The following DOCK11 variants were observed in gnomAD, a reference collection of about 807,000 sequenced individuals.
DOCK11 encodes the protein dedicator of cytokinesis 11.
DOCK11 carries 70 observed loss-of-function variants against 169.1 expected under a neutral mutation model. The observed-to-expected ratio is 0.41, with a 90% CI of 0.34 to 0.51. The LOEUF is 0.51. Among genes scored for constraint, DOCK11 ranks in the 20% least tolerant of loss-of-function variants. The pLI is 0.10. For missense variants in DOCK11, 1,166 were observed against 1,538.8 expected (o/e 0.76, Z 4.05); for synonymous variants, 529 against 541.3 (o/e 0.98, Z 0.32).
intron 12 of DOCK11, among the ~76,000 whole-genome samples, chrX:118,575,535 A>ATC (rs767556440): frequency 6.2e-5 from 7 of 112,171 alleles, no homozygotes; most frequent in Non-Finnish European, 1.1e-4. Context: ...ATAGATGATC[A>ATC]AACATTGGGG....
At chrX:118,511,424 C>T (rs776634005) in intron 1 of DOCK11, among the ~76,000 whole-genome samples, 2 of 112,097 alleles carry the variant, frequency 1.8e-5, no homozygotes, top group South Asian at 3.6e-4. Context: ...TGCTTATCTA[C>T]GATGAATATC....
rs889071485 is a variant in DOCK11, at chrX:118,584,817, T to G, written c.1678T>G (p.Ser560Ala). 2.2e-5 allele frequency: 26 copies of G among 1,200,773 alleles called. No individual in the cohort carries two copies. Among genetic ancestry groups the G allele is most frequent in the Non-Finnish European group, 2.9e-5 (26 of 891,254 alleles). ...GTATAAACAAGACAGTAGCAAGCTT[T>G]CAAGTGAAGACATTCTCAAGTTGCT... is the stretch of plus-strand genomic sequence containing the variant. ...PLYKQDSSKLSSEDILKLLSE... is the reference protein window; with the variant it reads ...PLYKQDSSKLASEDILKLLSE... Residue 560 changes from serine to alanine, a missense_variant, in exon 15 of 53, where the codon TCA (serine) becomes GCA (alanine). By Grantham distance (99) the Ser-to-Ala change is moderately conservative. Transcript: ENST00000276202.
At chrX:118,531,388 C>T (rs2011550807) in intron 1 of DOCK11, among the ~76,000 whole-genome samples, 1 of 70,935 alleles carries the variant, frequency 1.4e-5, no homozygotes, top group African/African-American at 5.8e-5. Context: ...CCAGGAGGTT[C>T]GGGGCTGCAG....
At chrX:118,584,153 C>G (rs984991230) in intron 14 of DOCK11, among the ~76,000 whole-genome samples, 4 of 112,063 alleles carry the variant, frequency 3.6e-5, no homozygotes, top group Non-Finnish European at 7.5e-5. Flanking sequence ...CCACCCCAAC[C>G]AGATATGGAA....
chrX:118,678,032 A>C (rs187896743), intron 48 of DOCK11, among the ~76,000 whole-genome samples: 51 of 112,677 alleles, frequency 4.5e-4, no homozygotes, highest in African/African-American at 1.6e-3. Flanking sequence ...ATATTTTAGT[A>C]GTTCCCCACA....
intron 31 of DOCK11, among the ~76,000 whole-genome samples, chrX:118,623,032 A>G (rs1401571507): frequency 8.9e-6 from 1 of 111,858 alleles, no homozygotes; most frequent in African/African-American, 3.3e-5. Flanking sequence ...CCTGGCCAAC[A>G]TAGTAAAACG....
At chrX:118,611,371 A>G (rs1476287978) in intron 28 of DOCK11, among the ~76,000 whole-genome samples, 1 of 112,521 alleles carries the variant, frequency 8.9e-6, no homozygotes, top group African/African-American at 3.2e-5. Context: ...TGCTTGTTGT[A>G]CACAGTGTTT....
intron 40 of DOCK11, among the ~76,000 whole-genome samples, chrX:118,647,975 T>TATAATATATA (rs1335153221): frequency 7.8e-4 from 39 of 49,709 alleles, no homozygotes; most frequent in Admixed American, 2.2e-3. Flanking sequence ...TATAATTATA[T>TATAATATATA]ATAATATATA....
chrX:118,507,281 T>C (rs1286840499), intron 1 of DOCK11, among the ~76,000 whole-genome samples: 3 of 112,481 alleles, frequency 2.7e-5, no homozygotes, highest in Non-Finnish European at 5.6e-5. Context: ...AAGTCAAGTG[T>C]TGCTTCCAAG....
intron 1 of DOCK11, among the ~76,000 whole-genome samples, chrX:118,506,659 G>C (rs2057614472): frequency 1.0e-5 from 1 of 95,727 alleles, no homozygotes; most frequent in African/African-American, 3.5e-5. Context: ...AAGTGAGACT[G>C]TCTCAAAAAA....
At chrX:118,648,477 TATA>T (rs1213149991) in intron 40 of DOCK11, among the ~76,000 whole-genome samples, 1 of 96,851 alleles carries the variant, frequency 1.0e-5, no homozygotes, top group African/African-American at 3.7e-5. Flanking sequence ...TATATTATTA[TATA>T]ATAATATATT....
intron 1 of DOCK11, among the ~76,000 whole-genome samples, chrX:118,531,041 A>T (rs2147330633): frequency 8.9e-6 from 1 of 111,944 alleles, no homozygotes; most frequent in Non-Finnish European, 1.9e-5. Flanking sequence ...TCAAGCATTG[A>T]AAACTAACCA....
chrX:118,519,441 T>C (rs2057709414), intron 1 of DOCK11, among the ~76,000 whole-genome samples: 1 of 111,807 alleles, frequency 8.9e-6, no homozygotes, highest in Non-Finnish European at 1.9e-5. Context: ...TCCCAGCTAC[T>C]CGGGTGGTGG....
rs1046622377 is a variant in DOCK11, at chrX:118,566,235, G to A, written c.871+53G>A. 43 of 1,061,658 alleles carry A rather than the reference G, an allele frequency of 4.1e-5. No homozygotes were observed. The Middle Eastern group carries it at 8.4e-4, about 21-fold the overall frequency. The allele number at this position is 1,061,658 out of a possible 1,213,427, so 87.5% of individuals were successfully genotyped here. A position where few individuals can be genotyped will look rare whatever the true frequency, so the allele number is the denominator to read the frequency against. The stretch of plus-strand genomic sequence containing the variant: ...GAAGTAAAGCCCTTGTCTTTAATCC[G>A]TGGAAATGTCCTCTGTGCAGGGTGA... On this transcript the variant is annotated intron_variant, in intron 8 of 52. Transcript: ENST00000276202.
intron 10 of DOCK11, among the ~76,000 whole-genome samples, chrX:118,571,008 C>T (rs996246453): frequency 3.6e-5 from 4 of 111,710 alleles, no homozygotes; most frequent in African/African-American, 6.5e-5. Flanking sequence ...CTGTGGCAGC[C>T]CAGGTCCATT....
At chrX:118,502,881 G>A (rs1297056518) in intron 1 of DOCK11, among the ~76,000 whole-genome samples, 1 of 110,671 alleles carries the variant, frequency 9.0e-6, no homozygotes, top group African/African-American at 3.3e-5. Flanking sequence ...CCGAGAAGCC[G>A]GGGGCTGTGT....
intron 20 of DOCK11, among the ~76,000 whole-genome samples, chrX:118,594,696 A>G (rs1404217075): frequency 9.0e-6 from 1 of 111,504 alleles, no homozygotes; most frequent in East Asian, 2.8e-4. Flanking sequence ...TTATAATACA[A>G]GATAGAAAGT....
chrX:118,640,906 G>C (rs781101595), intron 38 of DOCK11, among the ~76,000 whole-genome samples: 1 of 111,349 alleles, frequency 9.0e-6, no homozygotes, highest in African/African-American at 3.3e-5. Context: ...TGATTCTCCT[G>C]CCTCAGCCTC....
chrX:118,640,685 G>A (rs2015507393), intron 38 of DOCK11, among the ~76,000 whole-genome samples: 1 of 112,345 alleles, frequency 8.9e-6, no homozygotes, highest in South Asian at 3.7e-4. Context: ...AAAGAGGTGG[G>A]CACCTAATTA....
Sources: allele counts gnomAD v4.1 joint callset (sites outside exome capture counted in the v4.1 genomes callset), GRCh38; gene constraint gnomAD v4.1.1; transcripts MANE v1.5; gene names NCBI Gene and HGNC (gene_info 2026-07-23, HGNC 2026-07-21).